The following USP34 variants were observed in gnomAD, a reference collection of about 807,000 sequenced individuals.
USP34 encodes the protein ubiquitin carboxyl-terminal hydrolase 34.
Under a neutral mutation model 460.3 loss-of-function variants are expected in USP34, and 70 were observed. The ratio of observed to expected loss-of-function variants is 0.15; its 90% CI spans 0.13 to 0.19. The LOEUF (loss-of-function observed/expected upper bound fraction) is 0.19. Ranked by LOEUF, USP34 falls within the 10% of genes least tolerant of loss-of-function variation. USP34 has a pLI of 1.00. For missense variants in USP34, 3,985 were observed against 4,236.2 expected, an observed-to-expected ratio of 0.94 and a Z score of 1.65; for synonymous variants, 1,647 against 1,405.3, an observed-to-expected ratio of 1.17 and a Z score of -3.85.
chr2:61,448,633 C>T (rs573591023), intron 1 of USP34, among the ~76,000 whole-genome samples: 2 of 152,152 alleles, frequency 1.3e-5, no homozygotes, highest in African/African-American at 4.8e-5. Flanking sequence ...AATAAAGAAA[C>T]TGTTTCCATC....
intron 49 of USP34, among the ~76,000 whole-genome samples, chr2:61,248,256 C>T (rs1450223459): frequency 6.6e-6 from 1 of 151,644 alleles, no homozygotes; most frequent in Non-Finnish European, 1.5e-5. Context: ...ATTTAAGCTC[C>T]ACAAGAGCAA....
chr2:61,439,434 C>T (rs1694904172), intron 1 of USP34, among the ~76,000 whole-genome samples: 1 of 152,180 alleles, frequency 6.6e-6, no homozygotes, highest in South Asian at 2.1e-4. Flanking sequence ...TGGCACCATT[C>T]TGTCCGGCCA....
intron 14 of USP34, 43 bp downstream of exon 14, chr2:61,348,713 A>G (rs536781849): frequency 1.3e-6 from 2 of 1,589,412 alleles, no homozygotes; most frequent in Non-Finnish European, 1.7e-6. Context: ...ACACGCCAGA[A>G]AGCCAAAAAT....
intron 5 of USP34, among the ~76,000 whole-genome samples, chr2:61,390,380 T>C (rs544915060): frequency 4.6e-5 from 7 of 152,352 alleles, no homozygotes; most frequent in South Asian, 4.1e-4. Context: ...GTGGAGAAAC[T>C]TGTATGCCTC....
Position 61,387,789 on chromosome 2 carries a change from CAT to C in USP34, c.754-4455_754-4454del, listed in dbSNP as rs201936812. On this transcript the variant is annotated intron_variant, in intron 5 of 79. Transcript: ENST00000398571. ...TAAAATATATTTTTACGTATACACACATGTAAAAATATATTTTACGTATACAC... is the reference window on the plus strand; with the variant it reads ...TAAAATATATTTTTACGTATACACACGTAAAAATATATTTTACGTATACAC... Among the ~76,000 whole-genome samples the C allele has an allele frequency of 3.0e-3, 434 of 145,524 alleles. 2 individuals carry two copies. The highest frequency in any genetic ancestry group is 9.6e-3 in the African/African-American group (378 of 39,508).
At chr2:61,433,537 G>T (rs559544112) in intron 1 of USP34, among the ~76,000 whole-genome samples, 4 of 152,128 alleles carry the variant, frequency 2.6e-5, no homozygotes, top group Non-Finnish European at 5.9e-5. Flanking sequence ...AGGAGGCTGA[G>T]GCAGGAGAAT....
rs1246768474 is a variant in USP34, at chr2:61,189,066, G to A, written c.9877C>T (p.Leu3293=). Residue 3293 remains leucine, a synonymous_variant, in exon 79 of 80, where the codon CTG becomes TTG. Coordinates refer to ENST00000398571, the MANE Select transcript of USP34 (RefSeq NM_014709.4). ...SKASASLNGD[L]RALALLLSVH... is the part of the protein sequence containing the mutation. ...GACAGGAGCAAAGCGAGTGCCCTCAGGTCCTACAAAAACCCAGATAGGAAC... is the reference window on the plus strand; with the variant it reads ...GACAGGAGCAAAGCGAGTGCCCTCAAGTCCTACAAAAACCCAGATAGGAAC... 1 of 1,609,344 alleles carries A rather than the reference G, an allele frequency of 6.2e-7. No homozygotes were observed. Among genetic ancestry groups the A allele is most frequent in the Non-Finnish European group, 8.5e-7 (1 of 1,178,694 alleles).
At position 61,187,613 on chromosome 2, in the gene USP34, G is replaced by A. The variant is rs1686469392; in HGVS notation, c.*489C>T. ...TTAAATAAAGCACCATTTATATACT[G>A]CCAGGCCACAGCTAAAGAGGATTCT... On this transcript the variant is annotated 3_prime_UTR_variant, in exon 80 of 80. Transcript: ENST00000398571. 1 of 781,608 alleles carries A rather than the reference G, an allele frequency of 1.3e-6. No homozygotes were observed. 48.4% of individuals were successfully genotyped at this position (781,608 alleles called of 1,614,324 possible).
intron 19 of USP34, among the ~76,000 whole-genome samples, chr2:61,331,874 T>C (rs766171652): frequency 1.3e-5 from 2 of 152,026 alleles, no homozygotes; most frequent in African/African-American, 2.4e-5. Flanking sequence ...GGCATATACA[T>C]TCAGAGATCC....
At chr2:61,299,982 C>T (rs1690170213) in intron 29 of USP34, among the ~76,000 whole-genome samples, 1 of 152,154 alleles carries the variant, frequency 6.6e-6, no homozygotes, top group African/African-American at 2.4e-5. Context: ...TTCTCCTCTT[C>T]ATTCCCTACT....
intron 75 of USP34, chr2:61,193,320 A>G (rs1447338102): frequency 6.8e-6 from 1 of 147,468 alleles, no homozygotes; most frequent in Admixed American, 8.0e-5. Context: ...CCTATTAGAT[A>G]ATTTTCATAG....
intron 2 of USP34, among the ~76,000 whole-genome samples, chr2:61,409,882 C>T (rs1693988198): frequency 6.6e-6 from 1 of 152,256 alleles, no homozygotes; most frequent in Non-Finnish European, 1.5e-5. Flanking sequence ...TCAAAAAGGG[C>T]TGTGAGTCTA....
At chr2:61,425,950 CAG>C (rs373217338) in intron 1 of USP34, among the ~76,000 whole-genome samples, 29 of 151,824 alleles carry the variant, frequency 1.9e-4, no homozygotes, top group African/African-American at 7.0e-4. Context: ...CACAGCAAGA[CAG>C]GGCACCGCTC....
chr2:61,315,853 TATTTC>T (rs888410152), intron 23 of USP34, among the ~76,000 whole-genome samples: 47 of 152,218 alleles, frequency 3.1e-4, no homozygotes, highest in African/African-American at 1.1e-3. Flanking sequence ...AAGGTAAACT[TATTTC>T]ATAACAGAGC....
chr2:61,283,781 A>G (rs1332416656), intron 35 of USP34, among the ~76,000 whole-genome samples: 6 of 152,170 alleles, frequency 3.9e-5, no homozygotes, highest in Non-Finnish European at 8.8e-5. Flanking sequence ...ACACTCAGCT[A>G]ATTTTTGCAA....
chr2:61,360,745 G>T (rs184543062), intron 10 of USP34, among the ~76,000 whole-genome samples: 5 of 152,002 alleles, frequency 3.3e-5, no homozygotes, highest in African/African-American at 1.2e-4. Context: ...CAGCCTCGAC[G>T]TCCTGGGCTC....
chr2:61,227,301 T>A, intron 61 of USP34, 83 bp from the exon 62 acceptor site: 1 of 1,457,608 alleles, frequency 6.9e-7, no homozygotes, highest in East Asian at 2.5e-5. Flanking sequence ...TATGTAACAG[T>A]GTAGATGGTG....
At chr2:61,213,241 C>T (rs1304947653) in intron 68 of USP34, among the ~76,000 whole-genome samples, 4 of 152,138 alleles carry the variant, frequency 2.6e-5, no homozygotes, top group Non-Finnish European at 2.9e-5. Context: ...TCTTGAACTG[C>T]TGGGCTCGAG....
chr2:61,291,121 A>G (rs1334215626), intron 33 of USP34, among the ~76,000 whole-genome samples: 1 of 152,084 alleles, frequency 6.6e-6, no homozygotes, highest in African/African-American at 2.4e-5. Flanking sequence ...CAAAAAGACA[A>G]CCCAATTAAA....
Sources: allele counts gnomAD v4.1 joint callset (sites outside exome capture counted in the v4.1 genomes callset), GRCh38; gene constraint gnomAD v4.1.1; transcripts MANE v1.5; gene names NCBI Gene and HGNC (gene_info 2026-07-23, HGNC 2026-07-21).